The following BID variants were observed in gnomAD, a reference collection of about 807,000 sequenced individuals.
The protein encoded by BID is BH3-interacting domain death agonist.
Under a neutral mutation model 17.4 loss-of-function variants are expected in BID, and 19 were observed. The observed-to-expected ratio is 1.09, with a 90% CI of 0.76 to 1.60. BID has a LOEUF of 1.60. BID is among the 40% of genes most tolerant of loss of function. The pLI is 0.00. For missense variants in BID, 226 were observed against 256.0 expected (o/e 0.88, Z 0.80); for synonymous variants, 108 against 102.8 (o/e 1.05, Z -0.31).
chr22:17,763,630 T>C (rs2061657492), intron 1 of BID, among the ~76,000 whole-genome samples: 1 of 152,092 alleles, frequency 6.6e-6, no homozygotes, highest in South Asian at 2.1e-4. Context: ...GACACATGTT[T>C]AGCAGACGCC....
Position 17,773,052 on chromosome 22 carries a change from A to G in BID, c.-59+1329T>C, listed in dbSNP as rs1296218169. ...GAACAGAGACACGAGCTGCTTCCTC[A>G]TGCTCCCTGTGCCCGTCCTGGGAGA... is the stretch of plus-strand genomic sequence containing the variant. On this transcript the variant is annotated intron_variant, in intron 1 of 5. Coordinates refer to ENST00000622694, the MANE Select transcript of BID (RefSeq NM_001196.4). This position sits in a 1 kb window ranked among gnomAD's most constrained non-coding sequence, Gnocchi z 4.4. Among the ~76,000 whole-genome samples the G allele has an allele frequency of 6.6e-6, 1 of 151,874 alleles. No homozygotes were observed. The highest frequency in any genetic ancestry group is 2.4e-5 in the African/African-American group (1 of 41,340).
chr22:17,772,945 C>T lies in BID; in HGVS notation c.-59+1436G>A, dbSNP rs8190275. Reference sequence around the variant, plus strand: ...AGCCACCGTCTATCCTGCCCAACCTCCTCAGAAGCACTAACAGCACCTCGC... The same window carrying T: ...AGCCACCGTCTATCCTGCCCAACCTTCTCAGAAGCACTAACAGCACCTCGC... On this transcript the variant is annotated intron_variant, in intron 1 of 5. Transcript: ENST00000622694. 8.8e-3 allele frequency among the ~76,000 whole-genome samples: 1,338 copies of T among 152,294 alleles called. 16 individuals carry two copies. The highest frequency in any genetic ancestry group is 0.03 in the African/African-American group (1,264 of 41,544).
In BID at chr22:17,769,168, C is replaced by T. The variant is rs967619704; in HGVS notation, c.-59+5213G>A. 3.9e-5 allele frequency among the ~76,000 whole-genome samples: 6 copies of T among 152,262 alleles called. No individual in the cohort carries two copies. The highest frequency in any genetic ancestry group is 7.3e-5 in the Non-Finnish European group (5 of 68,044). On this transcript the variant is annotated intron_variant, in intron 1 of 5. Coordinates refer to ENST00000622694, the MANE Select transcript of BID (RefSeq NM_001196.4). This position sits in a 1 kb window ranked among gnomAD's most constrained non-coding sequence, Gnocchi z 4.8. ...TCACAGAGCACAGCAGGGCCTGTGC[C>T]GTGCCAACGCCATGCCCCTGCCTGG... is the stretch of plus-strand genomic sequence containing the variant.
intron 1 of BID, among the ~76,000 whole-genome samples, chr22:17,756,494 T>TTCTTTCTTTCTTTCTTTCTTTCTTTC (rs1454070298): frequency 7.3e-6 from 1 of 136,908 alleles, no homozygotes; most frequent in African/African-American, 2.8e-5. Flanking sequence ...CTTTCTTTCT[T>TTCTTTCTTTCTTTCTTTCTTTCTTTC]TCTCTCTCTC....
intron 1 of BID, among the ~76,000 whole-genome samples, chr22:17,760,131 C>A (rs1186754104): frequency 9.9e-6 from 1 of 100,978 alleles, no homozygotes; most frequent in Non-Finnish European, 1.9e-5. Context: ...GAGACTCCAT[C>A]TCAAAAAAAA....
intron 1 of BID, among the ~76,000 whole-genome samples, chr22:17,762,828 A>G (rs1196001333): frequency 6.6e-6 from 1 of 151,994 alleles, no homozygotes; most frequent in South Asian, 2.1e-4. Flanking sequence ...GGATCTAGAG[A>G]CCAAAAAGTT....
chr22:17,753,023 G>A (rs7292763), intron 1 of BID, among the ~76,000 whole-genome samples: 1 of 131,412 alleles, frequency 7.6e-6, no homozygotes, highest in Non-Finnish European at 1.6e-5. Flanking sequence ...CTGGAGTGCA[G>A]TGGCGCAATC....
chr22:17,751,322 A>G (rs1418846187), intron 1 of BID, among the ~76,000 whole-genome samples: 1 of 151,290 alleles, frequency 6.6e-6, no homozygotes, highest in Non-Finnish European at 1.5e-5. Flanking sequence ...CAGTGAGCCG[A>G]GATTGCGCCA....
intron 1 of BID, among the ~76,000 whole-genome samples, chr22:17,756,422 T>C (rs1389869611): frequency 5.4e-5 from 3 of 55,278 alleles, no homozygotes; most frequent in African/African-American, 1.0e-4. Flanking sequence ...CTTTCTTTCT[T>C]TCTTTCTTTC....
chr22:17,745,079 C>G (rs1172795262), intron 2 of BID, among the ~76,000 whole-genome samples: 1 of 152,138 alleles, frequency 6.6e-6, no homozygotes, highest in African/African-American at 2.4e-5. Context: ...GAGATGGAGT[C>G]TCGCTCTGTC....
intron 1 of BID, among the ~76,000 whole-genome samples, chr22:17,756,623 C>T (rs1435573155): frequency 5.4e-5 from 8 of 148,058 alleles, no homozygotes; most frequent in African/African-American, 1.0e-4. Context: ...TTACCCAGGC[C>T]GGAGTGCAAT....
chr22:17,743,833 T>C lies in BID; in HGVS notation c.193A>G (p.Ser65Gly). 1 of 1,611,902 alleles carries C rather than the reference T, an allele frequency of 6.2e-7. No homozygotes were observed. The highest frequency in any genetic ancestry group is 1.1e-5 in the South Asian group (1 of 91,068). The change falls in exon 3 of 6, where the codon AGC becomes GGC. Residue 65 changes from serine to glycine, a missense_variant. Ser to Gly is a moderately conservative substitution (Grantham distance 56). Coordinates refer to ENST00000622694, the MANE Select transcript of BID (RefSeq NM_001196.4). ...DELQTDGNRS[S>G]HSRLGRIEAD... Reference sequence around the variant, plus strand: ...TCTATTCTTCCCAAGCGGGAGTGGCTGCTGCGGTTGCCATCAGTCTGCAGC... The same window carrying C: ...TCTATTCTTCCCAAGCGGGAGTGGCCGCTGCGGTTGCCATCAGTCTGCAGC...
chr22:17,737,873 A>G, intron 5 of BID, 144 bp downstream of exon 5: 1 of 844,120 alleles, frequency 1.2e-6, no homozygotes, highest in South Asian at 1.6e-5. Flanking sequence ...TTTCTAGCTC[A>G]CAACAGCAAA....
At chr22:17,741,145 C>T (rs1022156249) in intron 3 of BID, 1 of 152,174 alleles carries the variant, frequency 6.6e-6, no homozygotes, top group Non-Finnish European at 1.5e-5. Flanking sequence ...TGGTGGGGGT[C>T]CCCTTAGCTC....
At chr22:17,751,320 C>G (rs897221836) in intron 1 of BID, among the ~76,000 whole-genome samples, 4 of 150,404 alleles carry the variant, frequency 2.7e-5, no homozygotes, top group Non-Finnish European at 5.9e-5. Context: ...TGCAGTGAGC[C>G]GAGATTGCGC....
rs369906690 is a variant in BID, at chr22:17,739,313, C to T, written c.363+36G>A. On this transcript the variant is annotated intron_variant, in intron 4 of 5. Coordinates refer to ENST00000622694, the MANE Select transcript of BID (RefSeq NM_001196.4). ...GCAGGGGACAGGCCCCCTTGGCTCACTTGCCCGCCCACGCGGTCCTCAGGC... is the reference window on the plus strand; with the variant it reads ...GCAGGGGACAGGCCCCCTTGGCTCATTTGCCCGCCCACGCGGTCCTCAGGC... The T allele has an allele frequency of 1.3e-4, 196 of 1,519,592 alleles. 4 individuals are homozygous for T. In the South Asian group the frequency reaches 2.2e-3, roughly 17 times the overall value. 94.1% of individuals were successfully genotyped at this position (1,519,592 alleles called of 1,614,324 possible).
chr22:17,754,749 T>G (rs1046917010), intron 1 of BID, among the ~76,000 whole-genome samples: 7 of 152,158 alleles, frequency 4.6e-5, no homozygotes, highest in Admixed American at 2.0e-4. Flanking sequence ...TTTTCCAGTT[T>G]TTTTGTTTTT....
chr22:17,739,869 C>G (rs970197243), intron 3 of BID: 4 of 622,638 alleles, frequency 6.4e-6, no homozygotes, highest in East Asian at 2.8e-5. Context: ...GGGGAAGGGG[C>G]TCTGTGGGCA....
At chr22:17,747,961 A>G (rs762071005) in intron 2 of BID, among the ~76,000 whole-genome samples, 67 of 152,246 alleles carry the variant, frequency 4.4e-4, no homozygotes, top group Non-Finnish European at 7.6e-4. Flanking sequence ...CTGCAATCCC[A>G]GCACTATGGG....
Sources: allele counts gnomAD v4.1 joint callset (sites outside exome capture counted in the v4.1 genomes callset), GRCh38; gene constraint gnomAD v4.1.1; non-coding constraint Gnocchi (gnomAD v3.1); transcripts MANE v1.5; gene names NCBI Gene and HGNC (gene_info 2026-07-23, HGNC 2026-07-21).